Variants in TRPM6 observed in about 807,000 individuals in gnomAD.
TRPM6 encodes channel kinase 2.
Under a neutral mutation model 247.6 loss-of-function variants are expected in TRPM6, and 111 were observed. The observed-to-expected ratio is 0.45, with a 90% CI of 0.38 to 0.52. TRPM6 has a LOEUF of 0.52. Among genes scored for constraint, TRPM6 ranks in the 20% least tolerant of loss-of-function variants. The pLI is 0.00. For missense variants in TRPM6, 2,126 were observed against 2,421.5 expected (o/e 0.88, Z 2.56); for synonymous variants, 892 against 853.8 (o/e 1.04, Z -0.78).
chr9:74,751,713 G>C (rs545766986), intron 29 of TRPM6, among the ~76,000 whole-genome samples: 1 of 152,242 alleles, frequency 6.6e-6, no homozygotes, highest in African/African-American at 2.4e-5. Context: ...AAACACTAAG[G>C]GTCTTTACCC....
At chr9:74,792,567 T>A in intron 19 of TRPM6, 57 bp downstream of exon 19, 2 of 1,572,364 alleles carry the variant, frequency 1.3e-6, no homozygotes, top group Non-Finnish European at 1.8e-6. Context: ...ATTATCAACA[T>A]CATCACTAGC....
chr9:74,751,963 A>G (rs551355147), intron 29 of TRPM6, among the ~76,000 whole-genome samples: 4 of 152,254 alleles, frequency 2.6e-5, no homozygotes, highest in African/African-American at 4.8e-5. Flanking sequence ...TTTCTTCCAC[A>G]TGACAACTTT....
intron 33 of TRPM6, among the ~76,000 whole-genome samples, chr9:74,740,583 C>T (rs926219728): frequency 2.6e-5 from 4 of 152,110 alleles, no homozygotes; most frequent in African/African-American, 9.7e-5. Flanking sequence ...TCATATACAC[C>T]TTATACATAT....
chr9:74,727,850 C>G (rs1255533605), intron 38 of TRPM6, among the ~76,000 whole-genome samples: 1 of 151,986 alleles, frequency 6.6e-6, no homozygotes, highest in South Asian at 2.1e-4. Context: ...TACCCAATGG[C>G]GAAATTAGAA....
chr9:74,763,206 CT>C, intron 25 of TRPM6, 72 bp from the exon 26 acceptor site: 4 of 1,460,232 alleles, frequency 2.7e-6, no homozygotes, highest in Non-Finnish European at 3.8e-6. Context: ...TCCTACCCTA[CT>C]TCCATCCTTA....
chr9:74,727,212 C>A (rs778910991), intron 38 of TRPM6, among the ~76,000 whole-genome samples: 4 of 151,964 alleles, frequency 2.6e-5, no homozygotes, highest in Non-Finnish European at 5.9e-5. Flanking sequence ...GAAACCCTGT[C>A]TCTACAAAAA....
At chr9:74,763,257 T>C (rs1826714217) in intron 25 of TRPM6, 123 bp from the exon 26 acceptor site, 2 of 943,566 alleles carry the variant, frequency 2.1e-6, no homozygotes, top group Non-Finnish European at 3.3e-6. Context: ...AGGTTAAGTC[T>C]GTCTTTTGCC....
intron 23 of TRPM6, among the ~76,000 whole-genome samples, chr9:74,779,825 G>C (rs1252194532): frequency 6.6e-6 from 1 of 152,190 alleles, no homozygotes; most frequent in Non-Finnish European, 1.5e-5. Flanking sequence ...AAAAACTGAG[G>C]GGCCAATGTG....
chr9:74,835,420 A>G (rs1829692390), intron 5 of TRPM6, among the ~76,000 whole-genome samples: 1 of 152,152 alleles, frequency 6.6e-6, no homozygotes, highest in East Asian at 1.9e-4. Flanking sequence ...GTCCCAGCAC[A>G]ACATCCTGCA....
chr9:74,725,731 C>T (rs905654574), intron 38 of TRPM6, among the ~76,000 whole-genome samples: 5 of 152,222 alleles, frequency 3.3e-5, no homozygotes, highest in African/African-American at 1.2e-4. Flanking sequence ...ATTGTGAGGC[C>T]TCCCCAGCCA....
At chr9:74,750,800 A>G in intron 29 of TRPM6, 78 bp from the exon 30 acceptor site, 1 of 1,287,494 alleles carries the variant, frequency 7.8e-7, no homozygotes, top group East Asian at 2.3e-5. Context: ...TCTGCCAAAC[A>G]CGCTCCTTGG....
At chr9:74,747,375 G>T (rs1388806885) in intron 31 of TRPM6, among the ~76,000 whole-genome samples, 1 of 152,132 alleles carries the variant, frequency 6.6e-6, no homozygotes, top group Non-Finnish European at 1.5e-5. Flanking sequence ...GAAGATGAAG[G>T]TGCCTTTACA....
chr9:74,799,478 T>C (rs1587518760), intron 17 of TRPM6, among the ~76,000 whole-genome samples: 1 of 152,042 alleles, frequency 6.6e-6, no homozygotes, highest in East Asian at 1.9e-4. Context: ...TGGTTAGTCA[T>C]ATGAACAAAT....
At chr9:74,832,619 C>T (rs974695520) in intron 6 of TRPM6, among the ~76,000 whole-genome samples, 2 of 151,980 alleles carry the variant, frequency 1.3e-5, no homozygotes, top group African/African-American at 2.4e-5. Flanking sequence ...CGGAGGGTGT[C>T]GGCTGAATGG....
intron 1 of TRPM6, among the ~76,000 whole-genome samples, chr9:74,871,117 T>G (rs890341818): frequency 6.6e-6 from 1 of 152,208 alleles, no homozygotes; most frequent in African/African-American, 2.4e-5. Context: ...AAAGCTGCAC[T>G]TAGTTCTTAT....
intron 3 of TRPM6, among the ~76,000 whole-genome samples, chr9:74,849,827 C>T (rs1409841347): frequency 6.6e-6 from 1 of 152,206 alleles, no homozygotes; most frequent in Non-Finnish European, 1.5e-5. Context: ...CTCCCAAAGC[C>T]TCTATTTCTT....
At chr9:74,791,813 C>T (rs953216497) in intron 19 of TRPM6, among the ~76,000 whole-genome samples, 24 of 152,184 alleles carry the variant, frequency 1.6e-4, no homozygotes, top group African/African-American at 4.8e-4. Flanking sequence ...TGGAGTGTAG[C>T]GGCGCAATCT....
intron 6 of TRPM6, among the ~76,000 whole-genome samples, chr9:74,829,694 A>G (rs1341115580): frequency 6.6e-6 from 1 of 152,236 alleles, no homozygotes; most frequent in African/African-American, 2.4e-5. Flanking sequence ...GAGGCAAGAA[A>G]CCAAAAGGAA....
At position 74,801,978 on chromosome 9, in the gene TRPM6, G is replaced by C. The variant is rs369402852; in HGVS notation, c.1929C>G (p.Ile643Met). 29 of 1,614,086 alleles carry C rather than the reference G, an allele frequency of 1.8e-5. No homozygotes were observed. Among genetic ancestry groups the C allele is most frequent in the Non-Finnish European group, 2.4e-5 (28 of 1,180,046 alleles). The change falls in exon 16 of 39, where the codon ATC becomes ATG. Residue 643 changes from isoleucine (I) to methionine (M), a missense_variant. Transcript: ENST00000360774. ...CTTCATGGGCCATTGCCCGGTAGAG[G>C]ATACACGCAATCACGGCTTTAACCG... ...EATVKAVIAC[I>M]LYRAMAHEAK...
Sources: allele counts gnomAD v4.1 joint callset (sites outside exome capture counted in the v4.1 genomes callset), GRCh38; gene constraint gnomAD v4.1.1; transcripts MANE v1.5; gene names NCBI Gene and HGNC (gene_info 2026-07-23, HGNC 2026-07-21).